The following TMPRSS15 variants were observed in gnomAD, a reference collection of about 807,000 sequenced individuals.
The protein encoded by TMPRSS15 is transmembrane serine protease 15.
In TMPRSS15, 128 loss-of-function variants were observed where a neutral mutation model predicts 125.3. The ratio of observed to expected loss-of-function variants is 1.02; its 90% CI spans 0.89 to 1.18. The LOEUF (loss-of-function observed/expected upper bound fraction) is 1.18, where lower values mean the gene tolerates loss of function less well. TMPRSS15 is among the 50% of genes most tolerant of loss of function. TMPRSS15 has a pLI of 0.00. For synonymous variants in TMPRSS15, 446 were observed against 423.2 expected (o/e 1.05, Z -0.66); for missense variants, 1,283 against 1,212.7 (o/e 1.06, Z -0.86).
intron 1 of TMPRSS15, among the ~76,000 whole-genome samples, chr21:18,399,931 A>G (rs948192628): frequency 2.0e-5 from 3 of 152,134 alleles, no homozygotes; most frequent in African/African-American, 7.2e-5. Context: ...TCTATACGCT[A>G]AATACATTCA....
At chr21:18,471,603 C>T (rs911155547) in intron 1 of TMPRSS15, among the ~76,000 whole-genome samples, 4 of 152,040 alleles carry the variant, frequency 2.6e-5, no homozygotes, top group South Asian at 2.1e-4. Flanking sequence ...GGGATAGACA[C>T]GGTGTCTTAC....
intron 5 of TMPRSS15, among the ~76,000 whole-genome samples, chr21:18,376,503 A>G (rs2075845097): frequency 6.6e-6 from 1 of 152,152 alleles, no homozygotes; most frequent in Non-Finnish European, 1.5e-5. Context: ...CACTAAATCA[A>G]CCAGTTATTC....
At position 18,308,625 on chromosome 21, in the gene TMPRSS15, A is replaced by T. The variant is rs565617107; in HGVS notation, c.2165+4320T>A. The stretch of plus-strand genomic sequence containing the variant: ...TTTTTTTTTTTTTTAAAGTTCTGGG[A>T]CACATGTGCAGAACATGCAGTTTTG... On this transcript the variant is annotated intron_variant, in intron 18 of 24. Coordinates refer to ENST00000284885, the MANE Select transcript of TMPRSS15 (RefSeq NM_002772.3). Among the ~76,000 whole-genome samples, 48 of 151,430 alleles carry T rather than the reference A, an allele frequency of 3.2e-4. 2 individuals are homozygous for T. The South Asian group carries it at 9.6e-3, about 30-fold the overall frequency.
intron 6 of TMPRSS15, among the ~76,000 whole-genome samples, chr21:18,366,782 A>G (rs963976698): frequency 1.3e-5 from 2 of 152,130 alleles, no homozygotes; most frequent in Non-Finnish European, 2.9e-5. Flanking sequence ...GGTTAGAAAA[A>G]TCAAAGTAAT....
chr21:18,362,776 C>T (rs1368184294), intron 7 of TMPRSS15, among the ~76,000 whole-genome samples: 1 of 152,046 alleles, frequency 6.6e-6, no homozygotes, highest in African/African-American at 2.4e-5. Context: ...ATAATGACTT[C>T]TTTGAACATA....
Position 18,383,677 on chromosome 21 carries a change from G to C in TMPRSS15, c.446C>G (p.Ser149Cys). 1 of 1,613,940 alleles carries C rather than the reference G, an allele frequency of 6.2e-7. No homozygotes were observed. ...ELIQGLEANK[S>C]SQLVTFHIDL... ...AATATGGAAAGTGACCAGTTGGCTG[G>C]ATTTATTTGCTTCAAGGCCTTGAAT... is the stretch of plus-strand genomic sequence containing the variant. The change falls in exon 4 of 25, where the codon TCC becomes TGC. Residue 149 changes from serine to cysteine, a missense_variant. Ser to Cys is a moderately radical substitution (Grantham distance 112). Coordinates refer to ENST00000284885, the MANE Select transcript of TMPRSS15 (RefSeq NM_002772.3).
intron 1 of TMPRSS15, among the ~76,000 whole-genome samples, chr21:18,402,083 CGTGT>C (rs2076100101): frequency 6.6e-6 from 1 of 151,906 alleles, no homozygotes; most frequent in African/African-American, 2.4e-5. Flanking sequence ...AAATATAGCC[CGTGT>C]GTATGTCTAT....
chr21:18,365,400 G>C (rs2075717333), intron 6 of TMPRSS15, 152 bp from the exon 7 acceptor site: 1 of 731,614 alleles, frequency 1.4e-6, no homozygotes, highest in African/African-American at 1.7e-5. Flanking sequence ...AAACCTATTA[G>C]CCATGTTCAA....
chr21:18,278,947 TGAGTCTGATAA>T lies in TMPRSS15; in HGVS notation c.2764+6_2764+16del. The T allele has an allele frequency of 1.2e-5, 11 of 884,076 alleles. No individual in the cohort carries two copies. Among genetic ancestry groups the T allele is most frequent in the East Asian group, 2.6e-5 (1 of 37,978 alleles). The allele number at this position is 884,076 out of a possible 1,614,324, so 54.8% of individuals were successfully genotyped here. A position where few individuals can be genotyped will look rare whatever the true frequency, so the allele number is the denominator to read the frequency against. On this transcript the variant is annotated splice_donor_region_variant and intron_variant, in intron 23 of 24. Coordinates refer to ENST00000284885, the MANE Select transcript of TMPRSS15 (RefSeq NM_002772.3). ...AGGTTTTTTTTTTTTTTTTTTTTTTTGAGTCTGATAATTTACCTTGATATACAACCGTCCCC... is the reference window on the plus strand; with the variant it reads ...AGGTTTTTTTTTTTTTTTTTTTTTTTTTTACCTTGATATACAACCGTCCCC...
intron 3 of TMPRSS15, among the ~76,000 whole-genome samples, chr21:18,387,365 T>C (rs921323317): frequency 6.6e-6 from 1 of 152,200 alleles, no homozygotes; most frequent in Non-Finnish European, 1.5e-5. Context: ...TATTCCTTAA[T>C]GATATTGGTA....
In TMPRSS15 at chr21:18,295,410, C is replaced by T. The variant is rs2074893838; in HGVS notation, c.2262-758G>A. ...TACTTGCTCCCACTATTTCCAAATGCAACCACTGCAGATATCGGCTACATT... is the reference window on the plus strand; with the variant it reads ...TACTTGCTCCCACTATTTCCAAATGTAACCACTGCAGATATCGGCTACATT... On this transcript the variant is annotated intron_variant, in intron 19 of 24. Coordinates refer to ENST00000284885, the MANE Select transcript of TMPRSS15 (RefSeq NM_002772.3). 3.3e-5 allele frequency among the ~76,000 whole-genome samples: 5 copies of T among 152,184 alleles called. No homozygotes were observed. In the South Asian group the frequency reaches 1.0e-3, roughly 32 times the overall value.
Position 18,299,377 on chromosome 21 carries a change from C to T in TMPRSS15, c.2166-1548G>A, listed in dbSNP as rs1235699105. 4.6e-5 allele frequency among the ~76,000 whole-genome samples: 7 copies of T among 152,192 alleles called. No individual in the cohort carries two copies. The East Asian group carries it at 1.3e-3, about 29-fold the overall frequency. ...AGAGCAGACCGAATCTAGATAAACA[C>T]AGATGTTAGAGGACCTTGAATTTCA... On this transcript the variant is annotated intron_variant, in intron 18 of 24. Transcript: ENST00000284885.
chr21:18,296,838 C>T (rs1184336337), intron 19 of TMPRSS15, among the ~76,000 whole-genome samples: 1 of 152,174 alleles, frequency 6.6e-6, no homozygotes, highest in Non-Finnish European at 1.5e-5. Context: ...TGATATAAAA[C>T]ATTCAACTGC....
Position 18,437,820 on chromosome 21 carries a change from G to A in TMPRSS15, c.11-39491C>T, listed in dbSNP as rs1188996158. On this transcript the variant is annotated intron_variant, in intron 1 of 7. Transcript: ENST00000422787. ...AGAATGGCAATCACTAAAAAGTCAG[G>A]AAACAACAGGTGCTGGAGAGGATGT... is the stretch of plus-strand genomic sequence containing the variant. 2.0e-5 allele frequency among the ~76,000 whole-genome samples: 3 copies of A among 152,206 alleles called. No homozygotes were observed. In the East Asian group the frequency reaches 5.8e-4, roughly 29 times the overall value.
rs771623402 is a variant in TMPRSS15 at position 18,297,754 on chromosome 21, G to C, written c.2241C>G (p.Gly747=). The part of the protein sequence containing the change: ...PFVKLNTAPD[G]HLILTPSQQC... ...CCCACCTGGGTGTTAGTATTAAGTG[G>C]CCATCAGGTGCTGTGTTTAATTTGA... The change falls in exon 19 of 25, where the codon GGC becomes GGG. Residue 747 remains glycine, a synonymous_variant. Coordinates refer to ENST00000284885, the MANE Select transcript of TMPRSS15 (RefSeq NM_002772.3). 2.5e-6 allele frequency: 4 copies of C among 1,613,404 alleles called. No homozygotes were observed. The African/African-American group carries it at 5.3e-5, about 22-fold the overall frequency.
chr21:18,398,125 C>T, intron 2 of TMPRSS15, 74 bp downstream of exon 2: 1 of 1,534,852 alleles, frequency 6.5e-7, no homozygotes, highest in Non-Finnish European at 9.0e-7. Context: ...AGTTGTTTCA[C>T]AGTGAGAAAA....
chr21:18,281,669 C>T (rs544691688), intron 21 of TMPRSS15, among the ~76,000 whole-genome samples: 1 of 152,294 alleles, frequency 6.6e-6, no homozygotes, highest in South Asian at 2.1e-4. Context: ...GAACCTCTGC[C>T]TTAGGTCACA....
chr21:18,333,854 G>A (rs1327720698), intron 13 of TMPRSS15, among the ~76,000 whole-genome samples: 2 of 90,374 alleles, frequency 2.2e-5, no homozygotes, highest in Admixed American at 1.9e-4. Flanking sequence ...CTAAAGTAAT[G>A]TAAAAAATCA....
chr21:18,315,403 T>G (rs1230887654), intron 16 of TMPRSS15, 147 bp from the exon 17 acceptor site: 1 of 664,676 alleles, frequency 1.5e-6, no homozygotes, highest in Admixed American at 2.3e-5. Context: ...AAATGAGAGT[T>G]AATGGGTGCA....
Sources: allele counts gnomAD v4.1 joint callset (sites outside exome capture counted in the v4.1 genomes callset), GRCh38; gene constraint gnomAD v4.1.1; transcripts MANE v1.5; gene names NCBI Gene and HGNC (gene_info 2026-07-23, HGNC 2026-07-21).